Variants in CCDC141 observed in about 807,000 individuals in gnomAD.
CCDC141 encodes coiled-coil domain-containing protein 141.
Under a neutral mutation model 181.0 loss-of-function variants are expected in CCDC141, and 168 were observed. That is an observed-to-expected ratio of 0.93 (90% confidence interval 0.82 to 1.05). The LOEUF (loss-of-function observed/expected upper bound fraction) is 1.05, where lower values mean the gene tolerates loss of function less well. CCDC141 is among the 50% of genes least tolerant of loss of function. The pLI is 0.00. For missense variants in CCDC141, 1,902 were observed against 1,788.5 expected, an observed-to-expected ratio of 1.06 and a Z score of -1.14; for synonymous variants, 666 against 642.3, an observed-to-expected ratio of 1.04 and a Z score of -0.56.
intron 20 of CCDC141, among the ~76,000 whole-genome samples, chr2:178,850,395 T>C (rs1224036808): frequency 2.6e-5 from 4 of 152,246 alleles, no homozygotes; most frequent in African/African-American, 9.6e-5. Context: ...CTAAATAATG[T>C]TGCTACATGA....
chr2:179,012,426 T>C (rs2042295967), intron 2 of CCDC141, among the ~76,000 whole-genome samples: 1 of 151,816 alleles, frequency 6.6e-6, no homozygotes, highest in Admixed American at 6.6e-5. Context: ...TCAAGAAAAA[T>C]TAGATACCCT....
chr2:178,956,263 A>G (rs143838561), intron 5 of CCDC141, among the ~76,000 whole-genome samples: 39 of 152,306 alleles, frequency 2.6e-4, no homozygotes, highest in African/African-American at 7.9e-4. Flanking sequence ...AAAATGTAAC[A>G]TAGGTGTTTT....
chr2:179,005,067 T>G (rs1283087479), intron 2 of CCDC141, among the ~76,000 whole-genome samples: 1 of 152,212 alleles, frequency 6.6e-6, no homozygotes, highest in Admixed American at 6.5e-5. Context: ...AAAAATTTTT[T>G]TGGCTTCTTG....
intron 6 of CCDC141, among the ~76,000 whole-genome samples, chr2:178,921,595 T>C (rs1239870506): frequency 6.6e-6 from 1 of 152,222 alleles, no homozygotes; most frequent in Non-Finnish European, 1.5e-5. Flanking sequence ...TTGGCATCTT[T>C]AATGTATTAA....
chr2:178,959,432 C>G (rs571719470), intron 5 of CCDC141, among the ~76,000 whole-genome samples: 89 of 152,054 alleles, frequency 5.9e-4, no homozygotes, highest in Non-Finnish European at 1.2e-3. Flanking sequence ...AGACAGACAG[C>G]GAGGAGCAAG....
chr2:178,911,886 A>C (rs1463544973), intron 7 of CCDC141, among the ~76,000 whole-genome samples: 1 of 151,988 alleles, frequency 6.6e-6, no homozygotes, highest in Non-Finnish European at 1.5e-5. Flanking sequence ...TTACACAGCA[A>C]GACCTGCCTT....
Position 178,837,503 on chromosome 2 carries a change from C to T in CCDC141, c.3716G>A (p.Ser1239Asn), listed in dbSNP as rs777782414. The change falls in exon 23 of 24, where the codon AGC (serine) becomes AAC (asparagine). Residue 1239 changes from serine to asparagine, a missense_variant. Transcript: ENST00000443758. ...PSDMEVEEPVSSSLSLHISSY... is the reference protein window; with the variant it reads ...PSDMEVEEPVNSSLSLHISSY... ...GCTTATGTGAAGGCTGAGGGAGGAGCTGACAGGCTCTTCCACCTCCATGTC... is the reference window on the plus strand; with the variant it reads ...GCTTATGTGAAGGCTGAGGGAGGAGTTGACAGGCTCTTCCACCTCCATGTC... The T allele has an allele frequency of 6.2e-7, 1 of 1,614,060 alleles. No homozygotes were observed. Among genetic ancestry groups the T allele is most frequent in the South Asian group, 1.1e-5 (1 of 91,078 alleles).
intron 8 of CCDC141, among the ~76,000 whole-genome samples, chr2:178,895,528 G>C (rs1186548958): frequency 6.6e-6 from 1 of 152,148 alleles, no homozygotes; most frequent in Admixed American, 6.6e-5. Flanking sequence ...GTTAATCCTG[G>C]ATTTAATGGG....
At chr2:178,816,367 G>A in the CCDC141 span, among the ~76,000 whole-genome samples, 1 of 152,122 alleles carries the variant, frequency 6.6e-6, no homozygotes, top group African/African-American at 2.4e-5. Flanking sequence ...GTCTTTCCAT[G>A]CCTTAGTCGT....
At position 179,049,982 on chromosome 2, in the gene CCDC141, G is replaced by C. The variant is rs757162204; in HGVS notation, c.-41C>G. 1.3e-6 allele frequency: 2 copies of C among 1,549,832 alleles called. No homozygotes were observed. The highest frequency in any genetic ancestry group is 4.9e-5 in the East Asian group (2 of 40,914). On this transcript the variant is annotated 5_prime_UTR_variant, in exon 1 of 24. Coordinates refer to ENST00000443758, the MANE Select transcript of CCDC141 (RefSeq NM_173648.4). ...GAGTTTATACTTTGGGCAGCCTCTGGACAGTTGTGTGTCTGCTGGTCATTT... is the reference window on the plus strand; with the variant it reads ...GAGTTTATACTTTGGGCAGCCTCTGCACAGTTGTGTGTCTGCTGGTCATTT...
chr2:178,996,146 G>T (rs985272611), intron 2 of CCDC141, among the ~76,000 whole-genome samples: 1 of 151,244 alleles, frequency 6.6e-6, no homozygotes, highest in Non-Finnish European at 1.5e-5. Context: ...GAGTGCAGTG[G>T]CTTGATCTTG....
At chr2:179,023,290 A>T (rs1046788220) in intron 2 of CCDC141, among the ~76,000 whole-genome samples, 1 of 152,178 alleles carries the variant, frequency 6.6e-6, no homozygotes, top group Non-Finnish European at 1.5e-5. Context: ...GGTAGGTATT[A>T]CTACCTCCAT....
chr2:179,015,104 A>ATATATATATATT (rs1246580816), intron 2 of CCDC141, among the ~76,000 whole-genome samples: 1 of 16,122 alleles, frequency 6.2e-5, no homozygotes, highest in Admixed American at 4.0e-4. Context: ...ATATATATAT[A>ATATATATATATT]ATATATATAT....
At chr2:178,925,586 C>T (rs1370512032) in intron 6 of CCDC141, among the ~76,000 whole-genome samples, 2 of 152,108 alleles carry the variant, frequency 1.3e-5, no homozygotes, top group Non-Finnish European at 2.9e-5. Context: ...GAAAATATTC[C>T]CAAGATTTGT....
chr2:178,895,597 G>A (rs1310222838), intron 8 of CCDC141, among the ~76,000 whole-genome samples: 2 of 152,092 alleles, frequency 1.3e-5, no homozygotes, highest in Non-Finnish European at 2.9e-5. Flanking sequence ...AATCCTTAAC[G>A]GTGTTAACAA....
At chr2:178,886,620 G>A in intron 10 of CCDC141, 132 bp downstream of exon 10, 1 of 571,718 alleles carries the variant, frequency 1.7e-6, no homozygotes, top group Non-Finnish European at 3.0e-6. Flanking sequence ...GAGTTTTTAA[G>A]TCATTATGTG....
intron 4 of CCDC141, among the ~76,000 whole-genome samples, chr2:178,962,115 G>A (rs1039940013): frequency 2.0e-5 from 3 of 152,100 alleles, no homozygotes; most frequent in African/African-American, 7.2e-5. Flanking sequence ...AAAAATCACA[G>A]GATAATGAAG....
chr2:179,017,570 T>C (rs574901236), intron 2 of CCDC141, among the ~76,000 whole-genome samples: 1 of 152,266 alleles, frequency 6.6e-6, no homozygotes, highest in South Asian at 2.1e-4. Flanking sequence ...GCAGCTAGTT[T>C]ACACAAACTA....
At chr2:178,819,624 A>G in the CCDC141 span, among the ~76,000 whole-genome samples, 18 of 152,246 alleles carry the variant, frequency 1.2e-4, no homozygotes, top group African/African-American at 4.1e-4. Flanking sequence ...ATATTTGACA[A>G]TATTTGGAGA....
Sources: allele counts gnomAD v4.1 joint callset (sites outside exome capture counted in the v4.1 genomes callset), GRCh38; gene constraint gnomAD v4.1.1; transcripts MANE v1.5; gene names NCBI Gene and HGNC (gene_info 2026-07-23, HGNC 2026-07-21).